ZNF804B: variants seen among roughly 807,000 people sequenced by gnomAD.
ZNF804B encodes the protein zinc finger protein 804B.
ZNF804B carries 80 observed loss-of-function variants against 101.4 expected under a neutral mutation model. That is an observed-to-expected ratio of 0.79 (90% confidence interval 0.66 to 0.95). The LOEUF is 0.95. Ranked by LOEUF, ZNF804B falls within the 40% of genes least tolerant of loss-of-function variation. ZNF804B has a pLI of 0.00. For synonymous variants in ZNF804B, 622 were observed against 558.8 expected (o/e 1.11, Z -1.59); for missense variants, 1,673 against 1,561.9 (o/e 1.07, Z -1.20).
chr7:88,905,636 G>T (rs2115963180), intron 1 of ZNF804B, among the ~76,000 whole-genome samples: 1 of 152,248 alleles, frequency 6.6e-6, no homozygotes, highest in East Asian at 1.9e-4. Context: ...GGGCTTACAG[G>T]CAGGAGCCAC....
intron 1 of ZNF804B, among the ~76,000 whole-genome samples, chr7:89,100,268 G>A (rs1790035055): frequency 6.6e-6 from 1 of 152,100 alleles, no homozygotes; most frequent in Non-Finnish European, 1.5e-5. Flanking sequence ...ATATGCAGAA[G>A]AATGAAACTA....
intron 2 of ZNF804B, among the ~76,000 whole-genome samples, chr7:89,233,056 G>A (rs1252671763): frequency 6.6e-6 from 1 of 151,946 alleles, no homozygotes; most frequent in Non-Finnish European, 1.5e-5. Flanking sequence ...CGAGTAGCTG[G>A]GACTACAGGC....
At chr7:89,319,568 C>T (rs1023354613) in intron 2 of ZNF804B, among the ~76,000 whole-genome samples, 16 of 152,120 alleles carry the variant, frequency 1.1e-4, no homozygotes, top group African/African-American at 3.9e-4. Context: ...GTGCACAGAG[C>T]CTGTTTACGC....
intron 1 of ZNF804B, among the ~76,000 whole-genome samples, chr7:88,959,017 C>G (rs1309840661): frequency 6.6e-6 from 1 of 151,400 alleles, no homozygotes; most frequent in Non-Finnish European, 1.5e-5. Context: ...AGTTCATTAT[C>G]TTTGGTAGTG....
chr7:88,892,790 G>A (rs1275852202), intron 1 of ZNF804B, among the ~76,000 whole-genome samples: 1 of 152,088 alleles, frequency 6.6e-6, no homozygotes, highest in African/African-American at 2.4e-5. Flanking sequence ...ACACACATTA[G>A]TGGGAACACT....
At chr7:88,820,072 G>A (rs964395195) in intron 1 of ZNF804B, among the ~76,000 whole-genome samples, 3 of 152,086 alleles carry the variant, frequency 2.0e-5, no homozygotes, top group African/African-American at 2.4e-5. Context: ...AATAAATAAA[G>A]ATATATATTT....
intron 1 of ZNF804B, among the ~76,000 whole-genome samples, chr7:89,056,925 G>T (rs1281738061): frequency 6.6e-6 from 1 of 152,096 alleles, no homozygotes; most frequent in East Asian, 1.9e-4. Context: ...GGAATTTGGG[G>T]TTAGGGTTTT....
chr7:88,994,664 C>T (rs867791878), intron 1 of ZNF804B, among the ~76,000 whole-genome samples: 4 of 152,088 alleles, frequency 2.6e-5, no homozygotes, highest in South Asian at 2.1e-4. Context: ...ACCATCTTTT[C>T]GGAATAATGA....
At chr7:89,212,930 A>G (rs184336155) in intron 1 of ZNF804B, among the ~76,000 whole-genome samples, 2 of 152,200 alleles carry the variant, frequency 1.3e-5, no homozygotes, top group Non-Finnish European at 2.9e-5. Context: ...CCCATCACCT[A>G]TATTTGCCAT....
intron 2 of ZNF804B, among the ~76,000 whole-genome samples, chr7:89,316,860 G>A (rs1305068068): frequency 8.3e-6 from 1 of 120,066 alleles, no homozygotes; most frequent in Non-Finnish European, 2.1e-5. Flanking sequence ...ACTGCAAACA[G>A]GAGAAGTCTG....
At chr7:89,171,288 G>GCTGCTGCTGCTGCTTCTTCTTCTTCTT (rs1215246589) in intron 1 of ZNF804B, among the ~76,000 whole-genome samples, 68 of 82,526 alleles carry the variant, frequency 8.2e-4, no homozygotes, top group Admixed American at 1.3e-3. Flanking sequence ...TGCTGCTGCT[G>GCTGCTGCTGCTGCTTCTTCTTCTTCTT]CTTCTTCTTC....
chr7:89,063,128 G>A (rs73391209), intron 1 of ZNF804B, among the ~76,000 whole-genome samples: 4,899 of 152,124 alleles, frequency 0.032, 269 homozygotes, highest in African/African-American at 0.11. Context: ...ATTAGCAATC[G>A]TTATTATTTG....
At chr7:88,935,417 C>G (rs940021594) in intron 1 of ZNF804B, among the ~76,000 whole-genome samples, 1 of 149,656 alleles carries the variant, frequency 6.7e-6, no homozygotes. Context: ...GCCATAGTGG[C>G]TCACAGCTGC....
At chr7:89,096,719 G>C (rs1441161604) in intron 1 of ZNF804B, among the ~76,000 whole-genome samples, 2 of 151,990 alleles carry the variant, frequency 1.3e-5, no homozygotes, top group Non-Finnish European at 2.9e-5. Flanking sequence ...TGATATTTTT[G>C]AACATGGGCT....
chr7:89,103,695 C>T (rs1284112113), intron 1 of ZNF804B, among the ~76,000 whole-genome samples: 1 of 151,808 alleles, frequency 6.6e-6, no homozygotes, highest in Non-Finnish European at 1.5e-5. Context: ...CTTTGACTTC[C>T]TCTTTACAAT....
At chr7:88,939,538 C>A (rs1202675962) in intron 1 of ZNF804B, among the ~76,000 whole-genome samples, 1 of 151,590 alleles carries the variant, frequency 6.6e-6, no homozygotes, top group Admixed American at 6.6e-5. Context: ...AAATAAAAGC[C>A]ACCAACCATT....
chr7:89,118,774 G>A (rs541728340), intron 1 of ZNF804B, among the ~76,000 whole-genome samples: 23 of 152,074 alleles, frequency 1.5e-4, no homozygotes, highest in Non-Finnish European at 1.9e-4. Flanking sequence ...TTAAAACTTC[G>A]AGTTCTCATT....
At chr7:89,147,083 G>GTGTATATATATATATA (rs545656697) in intron 1 of ZNF804B, among the ~76,000 whole-genome samples, 1 of 140,180 alleles carries the variant, frequency 7.1e-6, no homozygotes, top group Non-Finnish European at 1.6e-5. Context: ...GGATAATCAG[G>GTGTATATATATATATA]TATATATATA....
chr7:89,210,090 G>C (rs1254346177), intron 1 of ZNF804B, among the ~76,000 whole-genome samples: 1 of 151,702 alleles, frequency 6.6e-6, no homozygotes, highest in African/African-American at 2.4e-5. Flanking sequence ...AGAGGTTTTA[G>C]TGAGCTGAGA....
Sources: allele counts gnomAD v4.1 joint callset (sites outside exome capture counted in the v4.1 genomes callset), GRCh38; gene constraint gnomAD v4.1.1; transcripts MANE v1.5; gene names NCBI Gene and HGNC (gene_info 2026-07-23, HGNC 2026-07-21).